Variants in PAOX observed in about 807,000 individuals in gnomAD.
PAOX encodes the protein polyamine oxidase.
A neutral mutation model predicts 39.0 loss-of-function variants in PAOX; 38 were observed. The observed-to-expected ratio is 0.97, with a 90% CI of 0.75 to 1.28. The LOEUF is 1.28. Among genes scored for constraint, PAOX ranks in the 50% most tolerant of loss-of-function variants. PAOX has a pLI of 0.00. For synonymous variants in PAOX, 311 were observed against 314.4 expected (o/e 0.99, Z 0.11); for missense variants, 667 against 685.7 (o/e 0.97, Z 0.30).
chr10:133,379,462 G>T lies in PAOX; in HGVS notation c.146G>T (p.Arg49Leu). 3 of 1,225,476 alleles carry T rather than the reference G, an allele frequency of 2.4e-6. No homozygotes were observed. Among genetic ancestry groups the T allele is most frequent in the Non-Finnish European group, 2.0e-6 (2 of 984,078 alleles). 75.9% of individuals were successfully genotyped at this position (1,225,476 alleles called of 1,614,324 possible). Residue 49 changes from arginine to leucine, a missense_variant, in exon 1 of 7, where the codon CGC becomes CTC. Arg to Leu is a moderately radical substitution (Grantham distance 102). Coordinates refer to ENST00000278060, the MANE Select transcript of PAOX (RefSeq NM_152911.4). ...PHLRVLEATA[R>L]AGGRIRSERC... ...CTGCGGGTCCTGGAGGCCACGGCCC[G>T]CGCCGGGGGCCGCATCCGCTCGGAG...
intron 4 of PAOX, among the ~76,000 whole-genome samples, chr10:133,388,655 T>C (rs1266642113): frequency 6.6e-6 from 1 of 152,200 alleles, no homozygotes; most frequent in Non-Finnish European, 1.5e-5. Flanking sequence ...GCTGTGACCT[T>C]GAGGGTCCCT....
At chr10:133,383,045 T>C (rs970235166) in intron 3 of PAOX, 2 of 151,412 alleles carry the variant, frequency 1.3e-5, no homozygotes, top group African/African-American at 4.9e-5. Context: ...TTCACAAAAA[T>C]TAGCCGTCGG....
intron 3 of PAOX, among the ~76,000 whole-genome samples, chr10:133,383,159 T>C (rs2133463374): frequency 6.6e-6 from 1 of 152,232 alleles, no homozygotes; most frequent in East Asian, 1.9e-4. Flanking sequence ...CACTCCAGCC[T>C]GGGAGACCAG....
At position 133,384,844 on chromosome 10, in the gene PAOX, G is replaced by A. The variant is rs1265249182; in HGVS notation, c.1121+632G>A. On this transcript the variant is annotated intron_variant, in intron 4 of 6. Transcript: ENST00000278060. This position sits in a 1 kb window ranked among gnomAD's most constrained non-coding sequence, Gnocchi z 4.3. ...GAGATGCCGCAGGAGGGGGCACCAA[G>A]TTCTTGTTCTGAAAGACCCGGGATG... is the stretch of plus-strand genomic sequence containing the variant. Among the ~76,000 whole-genome samples the A allele has an allele frequency of 6.6e-6, 1 of 152,210 alleles. No homozygotes were observed. Among genetic ancestry groups the A allele is most frequent in the Admixed American group, 6.5e-5 (1 of 15,284 alleles).
intron 4 of PAOX, among the ~76,000 whole-genome samples, chr10:133,387,422 G>A (rs1849557049): frequency 6.6e-6 from 1 of 152,248 alleles, no homozygotes; most frequent in East Asian, 1.9e-4. Context: ...TATGCTGTTG[G>A]TGGCAGAAAC....
chr10:133,388,901 G>A, intron 4 of PAOX, 55 bp from the exon 5 acceptor site: 1 of 761,934 alleles, frequency 1.3e-6, no homozygotes, highest in Non-Finnish European at 2.4e-6. Context: ...GTCATCCCAG[G>A]GCTCTCTTTC....
rs781673783 is a variant in PAOX, at chr10:133,380,219, C to G, written c.402C>G (p.Phe134Leu). The G allele has an allele frequency of 5.6e-6, 9 of 1,612,780 alleles. No individual in the cohort carries two copies. In the Admixed American group the frequency reaches 6.7e-5, roughly 12 times the overall value. ...LQLVAEMATL[F>L]YGLIDQTREF... ...TGGTGGCGGAGATGGCGACTCTGTT[C>G]TACGGCCTGATAGACCAGACCCGGG... The change falls in exon 2 of 7, where the codon TTC becomes TTG. Residue 134 changes from phenylalanine (F) to leucine (L), a missense_variant. Coordinates refer to ENST00000278060, the MANE Select transcript of PAOX (RefSeq NM_152911.4).
chr10:133,389,100 C>G lies in PAOX; in HGVS notation c.1234+32C>G, dbSNP rs1286793232. ...ACTCACCACACACGCTGGTTCCTGC[C>G]TCTGCTCGTTACTGGTTGATCTCTA... On this transcript the variant is annotated intron_variant, in intron 5 of 6. Transcript: ENST00000278060. The G allele has an allele frequency of 2.0e-6, 3 of 1,504,896 alleles. No individual in the cohort carries two copies. The South Asian group carries it at 3.4e-5, about 17-fold the overall frequency. The allele number at this position is 1,504,896 out of a possible 1,614,324, so 93.2% of individuals were successfully genotyped here. A position where few individuals can be genotyped will look rare whatever the true frequency, so the allele number is the denominator to read the frequency against.
At chr10:133,389,161 A>T (rs1161123284) in intron 5 of PAOX, 93 bp downstream of exon 5, 2 of 1,050,952 alleles carry the variant, frequency 1.9e-6, no homozygotes, top group African/African-American at 3.1e-5. Context: ...GAGAAAAACT[A>T]AATTTGGCTG....
chr10:133,391,112 C>G lies in PAOX; in HGVS notation c.1393-200C>G, dbSNP rs1849668254. The G allele has an allele frequency of 7.1e-6, 5 of 706,972 alleles. No individual in the cohort carries two copies. In the East Asian group the frequency reaches 1.3e-4, roughly 19 times the overall value. 43.8% of individuals were successfully genotyped at this position (706,972 alleles called of 1,614,324 possible). A position where few individuals can be genotyped will look rare whatever the true frequency, so the allele number is the denominator to read the frequency against. ...TGATGGATACATGTGAGCTGTTTTC[C>G]TGCCCGTTGGTGGATGTGTGTGAGC... is the stretch of plus-strand genomic sequence containing the variant. On this transcript the variant is annotated intron_variant, in intron 6 of 6. Coordinates refer to ENST00000278060, the MANE Select transcript of PAOX (RefSeq NM_152911.4).
At chr10:133,388,647 T>C (rs1360135573) in intron 4 of PAOX, among the ~76,000 whole-genome samples, 1 of 152,214 alleles carries the variant, frequency 6.6e-6, no homozygotes, top group Non-Finnish European at 1.5e-5. Flanking sequence ...TGAAGATGGC[T>C]GTGACCTTGA....
Position 133,384,333 on chromosome 10 carries a change from C to A in PAOX, c.1121+121C>A. 1 of 1,423,090 alleles carries A rather than the reference C, an allele frequency of 7.0e-7. No individual in the cohort carries two copies. The highest frequency in any genetic ancestry group is 9.5e-7 in the Non-Finnish European group (1 of 1,053,320). 88.2% of individuals were successfully genotyped at this position (1,423,090 alleles called of 1,614,324 possible). On this transcript the variant is annotated intron_variant, in intron 4 of 6. Transcript: ENST00000278060. The surrounding 1 kb of genome is among the most constrained non-coding windows in gnomAD (Gnocchi z 4.3). ...TCTAGGGGGTTTAATGGGTAGGGTT[C>A]CCATGAGCGCCCCCCCACCAGGTGC...
chr10:133,387,574 G>C (rs1849559477), intron 4 of PAOX, among the ~76,000 whole-genome samples: 1 of 152,184 alleles, frequency 6.6e-6, no homozygotes, highest in Non-Finnish European at 1.5e-5. Flanking sequence ...ACCATGATTT[G>C]TCTGACTGGT....
At position 133,384,306 on chromosome 10, in the gene PAOX, T is replaced by C; in HGVS notation, c.1121+94T>C. 6.5e-7 allele frequency: 1 copy of C among 1,528,938 alleles called. No homozygotes were observed. The highest frequency in any genetic ancestry group is 2.3e-5 in the East Asian group (1 of 44,200). The allele number at this position is 1,528,938 out of a possible 1,614,324, so 94.7% of individuals were successfully genotyped here. On this transcript the variant is annotated intron_variant, in intron 4 of 6. Coordinates refer to ENST00000278060, the MANE Select transcript of PAOX (RefSeq NM_152911.4). This position sits in a 1 kb window ranked among gnomAD's most constrained non-coding sequence, Gnocchi z 4.3. ...CAGTGTGTCTGTTCACTGCAGGGTA[T>C]TTCTAGGGGGTTTAATGGGTAGGGT...
intron 3 of PAOX, among the ~76,000 whole-genome samples, chr10:133,383,747 GTGAGCCC>G (rs762633391): frequency 6.6e-6 from 1 of 152,254 alleles, no homozygotes; most frequent in Non-Finnish European, 1.5e-5. Flanking sequence ...CAAGGCTGCA[GTGAGCCC>G]TGATCATGGT....
Position 133,380,477 on chromosome 10 carries a change from CT to C in PAOX, c.664del (p.Ser222LeufsTer11). The C allele has an allele frequency of 6.2e-7, 1 of 1,605,922 alleles. No homozygotes were observed. On this transcript the variant is annotated frameshift_variant, in exon 2 of 7. Coordinates refer to ENST00000278060, the MANE Select transcript of PAOX (RefSeq NM_152911.4). LOFTEE classifies it high-confidence loss of function. The stretch of plus-strand genomic sequence containing the variant: ...CCGTGCTGCCGGGGCTGGACTGCAC[CT>C]TTTCTAAGTGCGTGCCTGAGCCCCT... ...YTVLPGLDCT[F>X]SKGYQGLTNC...
At chr10:133,385,648 A>G (rs993911193) in intron 4 of PAOX, among the ~76,000 whole-genome samples, 2 of 152,022 alleles carry the variant, frequency 1.3e-5, no homozygotes, top group African/African-American at 4.8e-5. Flanking sequence ...CAGTGGTGCA[A>G]TCTTGGCTCA....
In PAOX at chr10:133,380,265, A is replaced by ACC. The variant is rs1564809679; in HGVS notation, c.451_452dup (p.Val152ArgfsTer29). 1 of 1,612,744 alleles carries ACC rather than the reference A, an allele frequency of 6.2e-7. No homozygotes were observed. Among genetic ancestry groups the ACC allele is most frequent in the Non-Finnish European group, 8.5e-7 (1 of 1,179,982 alleles). ...CCGGGAGTTCCTGCACGCTGCAGAG[A>ACC]CCCCGGTGCCCAGCGTCGGGGAGTA... On this transcript the variant is annotated frameshift_variant, in exon 2 of 7. Coordinates refer to ENST00000278060, the MANE Select transcript of PAOX (RefSeq NM_152911.4). LOFTEE classifies it high-confidence loss of function.
At chr10:133,385,873 G>A (rs143966640) in intron 4 of PAOX, among the ~76,000 whole-genome samples, 2,860 of 151,948 alleles carry the variant, frequency 0.019, 72 homozygotes, top group East Asian at 0.12. Context: ...ATGAGCCACC[G>A]CACCCAGTCA....
Sources: gnomAD v4.1 joint callset for allele counts (sites outside exome capture counted in the v4.1 genomes callset) on GRCh38, gnomAD v4.1.1 for gene constraint, Gnocchi (gnomAD v3.1) non-coding constraint, MANE v1.5 for transcripts, NCBI Gene and HGNC (gene_info 2026-07-23, HGNC 2026-07-21) for gene names.